THRB: variants seen among roughly 807,000 people sequenced by gnomAD.
THRB encodes thyroid hormone receptor beta.
THRB carries 12 observed loss-of-function variants against 47.8 expected under a neutral mutation model. The ratio of observed to expected loss-of-function variants is 0.25; its 90% CI spans 0.16 to 0.41. The LOEUF (loss-of-function observed/expected upper bound fraction) is 0.41. Ranked by LOEUF, THRB falls within the 10% of genes least tolerant of loss-of-function variation. The pLI, the probability that THRB is intolerant of heterozygous loss-of-function variation, is 1.00. For synonymous variants in THRB, 218 were observed against 212.2 expected, an observed-to-expected ratio of 1.03 and a Z score of -0.24; for missense variants, 348 against 589.2, an observed-to-expected ratio of 0.59 and a Z score of 4.24.
chr3:24,147,342 T>G (rs1299407617), intron 6 of THRB, among the ~76,000 whole-genome samples: 1 of 152,308 alleles, frequency 6.6e-6, no homozygotes, highest in East Asian at 1.9e-4. Flanking sequence ...CTTCCTGGAT[T>G]TAGTTTAATA....
Position 24,216,973 on chromosome 3 carries a change from C to T in THRB, c.22+11965G>A, listed in dbSNP as rs146322327. 1.6e-4 allele frequency among the ~76,000 whole-genome samples: 24 copies of T among 151,678 alleles called. 1 individual carries two copies. The East Asian group carries it at 4.4e-3, about 28-fold the overall frequency. Reference sequence around the variant, plus strand: ...AGACTTTTTTGATGAAAGGTAATGCCAGCAGTAATTGGTATTCTGATGGCT... The same window carrying T: ...AGACTTTTTTGATGAAAGGTAATGCTAGCAGTAATTGGTATTCTGATGGCT... On this transcript the variant is annotated intron_variant, in intron 4 of 10. Transcript: ENST00000646209.
chr3:24,481,718 T>C (rs1308554349), intron 1 of THRB, among the ~76,000 whole-genome samples: 2 of 151,864 alleles, frequency 1.3e-5, no homozygotes, highest in Admixed American at 1.3e-4. Flanking sequence ...TCAATTCTAA[T>C]TAATCAGGGC....
chr3:24,281,241 G>A (rs1015427843), intron 3 of THRB, among the ~76,000 whole-genome samples: 14 of 151,958 alleles, frequency 9.2e-5, no homozygotes, highest in East Asian at 3.9e-4. Flanking sequence ...CAGATCTCTC[G>A]GCAGAAACTC....
intron 2 of THRB, among the ~76,000 whole-genome samples, chr3:24,323,227 G>GT (rs200089945): frequency 0.014 from 1,937 of 141,286 alleles, 24 homozygotes; most frequent in African/African-American, 0.037. Context: ...ACGGTTTTTG[G>GT]TTTTTTTTTT....
chr3:24,203,887 G>A (rs1309803950), intron 4 of THRB, among the ~76,000 whole-genome samples: 5 of 152,226 alleles, frequency 3.3e-5, no homozygotes, highest in African/African-American at 4.8e-5. Flanking sequence ...AGGGTCCCAC[G>A]CCCACGGAGC....
At chr3:24,427,219 T>A (rs555853658) in intron 1 of THRB, among the ~76,000 whole-genome samples, 1 of 152,142 alleles carries the variant, frequency 6.6e-6, no homozygotes, top group South Asian at 2.1e-4. Context: ...GAATACCCAG[T>A]GTTTTTAAAG....
At chr3:24,197,434 T>C (rs183532909) in intron 4 of THRB, among the ~76,000 whole-genome samples, 1 of 152,366 alleles carries the variant, frequency 6.6e-6, no homozygotes, top group East Asian at 1.9e-4. Context: ...ATCTCTCTCC[T>C]GAATTATCCA....
intron 1 of THRB, among the ~76,000 whole-genome samples, chr3:24,379,022 A>G (rs1030318873): frequency 3.3e-5 from 5 of 152,118 alleles, no homozygotes; most frequent in South Asian, 2.1e-4. Context: ...TAGCAACTCA[A>G]TGAGGAAGTT....
intron 1 of THRB, among the ~76,000 whole-genome samples, chr3:24,464,407 T>G (rs550596966): frequency 2.6e-5 from 4 of 152,326 alleles, no homozygotes; most frequent in Non-Finnish European, 2.9e-5. Context: ...TGACTTAATA[T>G]TTTATTTTGT....
intron 5 of THRB, among the ~76,000 whole-genome samples, chr3:24,183,355 T>C: frequency 1.2e-5 from 1 of 84,328 alleles, no homozygotes; most frequent in South Asian, 3.5e-4. Context: ...TTCTTCTTTT[T>C]CTTTTTTCTT....
chr3:24,345,582 T>C (rs1210065143), intron 1 of THRB, among the ~76,000 whole-genome samples: 1 of 152,124 alleles, frequency 6.6e-6, no homozygotes, highest in African/African-American at 2.4e-5. Context: ...TGATGAGGAT[T>C]AAATTAGTAA....
chr3:24,228,953 G>A lies in THRB; in HGVS notation c.7C>T (p.Pro3Ser). Residue 3 changes from proline to serine, a missense_variant, in exon 4 of 11, where the codon CCC becomes TCC. By Grantham distance (74) the Pro-to-Ser change is moderately conservative. Transcript: ENST00000646209. MT[P>S]NSMTENGLTA... ...AAAAAGATACCTGTCATACTGTTGG[G>A]AGTCATAGGTTAGTAATCATTCTGG... 1 of 1,612,532 alleles carries A rather than the reference G, an allele frequency of 6.2e-7. No individual in the cohort carries two copies. Among genetic ancestry groups the A allele is most frequent in the Non-Finnish European group, 8.5e-7 (1 of 1,179,236 alleles).
At chr3:24,150,081 T>C (rs893935891) in intron 6 of THRB, among the ~76,000 whole-genome samples, 25 of 152,320 alleles carry the variant, frequency 1.6e-4, no homozygotes, top group Admixed American at 2.0e-4. Context: ...TTTGATTCTT[T>C]CTCTAAAAAT....
chr3:24,155,063 C>A (rs2037607085), intron 5 of THRB, among the ~76,000 whole-genome samples: 1 of 152,118 alleles, frequency 6.6e-6, no homozygotes, highest in Non-Finnish European at 1.5e-5. Flanking sequence ...CTCATGAGAC[C>A]TGCTGGCTTT....
chr3:24,389,513 C>A (rs769558040), intron 1 of THRB, among the ~76,000 whole-genome samples: 14 of 152,172 alleles, frequency 9.2e-5, no homozygotes, highest in Non-Finnish European at 2.1e-4. Flanking sequence ...TTCATTTTAA[C>A]CCCCTCCTTC....
intron 1 of THRB, among the ~76,000 whole-genome samples, chr3:24,417,307 C>A (rs1459214274): frequency 6.6e-6 from 1 of 151,910 alleles, no homozygotes; most frequent in Non-Finnish European, 1.5e-5. Flanking sequence ...AAAGGCCAGG[C>A]TGTCAGTGCC....
intron 3 of THRB, among the ~76,000 whole-genome samples, chr3:24,286,870 G>A (rs554257215): frequency 2.0e-5 from 3 of 152,190 alleles, no homozygotes; most frequent in African/African-American, 7.2e-5. Flanking sequence ...CCGTTAGCCT[G>A]GGCGGCATGG....
intron 3 of THRB, among the ~76,000 whole-genome samples, chr3:24,254,159 C>T (rs897744583): frequency 3.2e-5 from 4 of 124,836 alleles, no homozygotes; most frequent in Admixed American, 2.0e-4. Flanking sequence ...GTCAGGAGAT[C>T]GAGACCATCC....
intron 1 of THRB, among the ~76,000 whole-genome samples, chr3:24,438,086 AT>A (rs60044476): frequency 0.92 from 137,843 of 150,566 alleles, 64,161 homozygotes; most frequent in Non-Finnish European, 1. Flanking sequence ...GGCAGGCACA[AT>A]TTTTTTTTTT....
Sources: allele counts gnomAD v4.1 joint callset (sites outside exome capture counted in the v4.1 genomes callset), GRCh38; gene constraint gnomAD v4.1.1; transcripts MANE v1.5; gene names NCBI Gene and HGNC (gene_info 2026-07-23, HGNC 2026-07-21).